Variants in LPP observed in about 807,000 individuals in gnomAD.
LPP encodes the protein lipoma-preferred partner.
Under a neutral mutation model 60.4 loss-of-function variants are expected in LPP, and 38 were observed. That is an observed-to-expected ratio of 0.63 (90% CI 0.49 to 0.83). The LOEUF (loss-of-function observed/expected upper bound fraction) is 0.83. LPP is among the 40% of genes least tolerant of loss of function. The pLI is 0.00. For synonymous variants in LPP, 328 were observed against 290.8 expected, an observed-to-expected ratio of 1.13 and a Z score of -1.30; for missense variants, 902 against 783.6, an observed-to-expected ratio of 1.15 and a Z score of -1.80.
intron 4 of LPP, among the ~76,000 whole-genome samples, chr3:188,474,438 A>G (rs978404920): frequency 5.3e-5 from 8 of 152,204 alleles, no homozygotes; most frequent in African/African-American, 1.7e-4. Flanking sequence ...GGTTCCCTCT[A>G]TAGCCAAAGA....
At chr3:188,334,555 C>T (rs1265556638) in intron 2 of LPP, among the ~76,000 whole-genome samples, 13 of 151,346 alleles carry the variant, frequency 8.6e-5, no homozygotes, top group Non-Finnish European at 1.6e-4. Context: ...CTCAGCCTCC[C>T]GAGTAGCTGG....
chr3:188,688,428 A>G (rs1861342974), intron 7 of LPP, among the ~76,000 whole-genome samples: 2 of 152,226 alleles, frequency 1.3e-5, no homozygotes, highest in South Asian at 2.1e-4. Flanking sequence ...GATGTTATGC[A>G]GATATATCCC....
chr3:188,824,466 CAGA>C (rs1754844865), intron 9 of LPP, among the ~76,000 whole-genome samples: 1 of 152,172 alleles, frequency 6.6e-6, no homozygotes, highest in Non-Finnish European at 1.5e-5. Context: ...TTGGACAGTG[CAGA>C]AGAACTATTC....
chr3:188,234,427 G>A (rs1226922705), intron 2 of LPP, among the ~76,000 whole-genome samples: 1 of 152,176 alleles, frequency 6.6e-6, no homozygotes, highest in Non-Finnish European at 1.5e-5. Context: ...TGATCACTTA[G>A]GAATATCGCC....
chr3:188,385,342 C>T (rs1243905593), intron 3 of LPP, among the ~76,000 whole-genome samples: 7 of 152,000 alleles, frequency 4.6e-5, no homozygotes, highest in African/African-American at 1.5e-4. Flanking sequence ...ATTGAGTAAG[C>T]GTGTGGGGGG....
At chr3:188,402,921 G>T (rs571943031) in intron 3 of LPP, among the ~76,000 whole-genome samples, 5 of 152,304 alleles carry the variant, frequency 3.3e-5, no homozygotes, top group African/African-American at 1.2e-4. Flanking sequence ...TAAAAATATA[G>T]GGCTTGGTAG....
chr3:188,507,955 A>G (rs927251406), intron 5 of LPP, among the ~76,000 whole-genome samples: 4 of 152,200 alleles, frequency 2.6e-5, no homozygotes, highest in Non-Finnish European at 4.4e-5. Flanking sequence ...TTTCCAATCT[A>G]AGGCTATATC....
Position 188,747,751 on chromosome 3 carries a change from A to G in LPP, c.1241-12362A>G, listed in dbSNP as rs549761936. On this transcript the variant is annotated intron_variant, in intron 8 of 11. Transcript: ENST00000617246. ...ATATGTGTATTAATAACTGTTCCCT[A>G]GACGTCACTTCAGCGCTCAGACAGC... Among the ~76,000 whole-genome samples, 82 of 152,298 alleles carry G rather than the reference A, an allele frequency of 5.4e-4. 1 individual carries two copies. Among genetic ancestry groups the G allele is most frequent in the African/African-American group, 1.9e-3 (78 of 41,560 alleles).
chr3:188,597,148 G>A (rs886967103), intron 6 of LPP, among the ~76,000 whole-genome samples: 8 of 152,116 alleles, frequency 5.3e-5, no homozygotes, highest in African/African-American at 1.9e-4. Context: ...TTCTCACTTT[G>A]GGCAAATCTT....
intron 6 of LPP, among the ~76,000 whole-genome samples, chr3:188,530,958 A>G (rs899091286): frequency 1.4e-4 from 22 of 152,194 alleles, no homozygotes; most frequent in Non-Finnish European, 2.9e-5. Context: ...TCAATCATGA[A>G]CTAATGACTT....
chr3:188,402,141 G>A (rs1011225948), intron 3 of LPP, among the ~76,000 whole-genome samples: 2 of 152,008 alleles, frequency 1.3e-5, no homozygotes, highest in Non-Finnish European at 2.9e-5. Context: ...GCTGAATTTG[G>A]ATAACCTTTA....
rs569429568 is a variant in LPP at position 188,481,953 on chromosome 3, C to T, written c.194-2639C>T. The stretch of plus-strand genomic sequence containing the variant: ...TAGCTCTGTGTCCCCACCCAAATTT[C>T]GTCTTGAATTGTAATCCCCATGTGT... On this transcript the variant is annotated intron_variant, in intron 4 of 11. Transcript: ENST00000617246. Among the ~76,000 whole-genome samples the T allele has an allele frequency of 9.2e-5, 14 of 152,268 alleles. No homozygotes were observed. In the South Asian group the frequency reaches 2.5e-3, roughly 27 times the overall value.
intron 6 of LPP, among the ~76,000 whole-genome samples, chr3:188,598,727 C>T (rs1207421498): frequency 6.6e-6 from 1 of 152,128 alleles, no homozygotes; most frequent in African/African-American, 2.4e-5. Context: ...ATTTTCTCAA[C>T]CATCCTCTGA....
intron 7 of LPP, among the ~76,000 whole-genome samples, chr3:188,691,254 C>T (rs192120507): frequency 7.8e-4 from 119 of 152,244 alleles, no homozygotes; most frequent in African/African-American, 2.8e-3. Flanking sequence ...ACTGATAATG[C>T]CACTCTTGTA....
In LPP at chr3:188,770,553, G is replaced by A. The variant is rs146378520; in HGVS notation, c.1410+10271G>A. Among the ~76,000 whole-genome samples the A allele has an allele frequency of 2.7e-3, 417 of 151,876 alleles. 1 individual carries two copies. The highest frequency in any genetic ancestry group is 4.3e-3 in the Non-Finnish European group (290 of 67,958). On this transcript the variant is annotated intron_variant, in intron 9 of 11. Transcript: ENST00000617246. Reference sequence around the variant, plus strand: ...TGTAGCGTGGACTCCATATTAGTACGGTCTCCTAAACTACTCTTCATTCTC... The same window carrying A: ...TGTAGCGTGGACTCCATATTAGTACAGTCTCCTAAACTACTCTTCATTCTC...
chr3:188,381,859 C>T (rs749948116), intron 3 of LPP, among the ~76,000 whole-genome samples: 3 of 152,030 alleles, frequency 2.0e-5, no homozygotes, highest in Admixed American at 6.6e-5. Context: ...GAGTCTTGCT[C>T]TATTGCCCAT....
At chr3:188,503,191 G>T (rs112335218) in intron 5 of LPP, among the ~76,000 whole-genome samples, 2 of 151,936 alleles carry the variant, frequency 1.3e-5, no homozygotes, top group African/African-American at 4.8e-5. Flanking sequence ...ACATCCTAAC[G>T]TTATAACACT....
chr3:188,726,280 G>A, intron 8 of LPP, among the ~76,000 whole-genome samples: 1 of 152,124 alleles, frequency 6.6e-6, no homozygotes, highest in Middle Eastern at 3.2e-3. Flanking sequence ...GGTTTCAAAG[G>A]GGCGTAAGAG....
At chr3:188,457,770 G>T (rs367816311) in intron 4 of LPP, among the ~76,000 whole-genome samples, 60 of 150,498 alleles carry the variant, frequency 4.0e-4, no homozygotes, top group African/African-American at 1.4e-3. Flanking sequence ...TTAGCCAGGC[G>T]TGGTGGCACA....
Sources: allele counts gnomAD v4.1 joint callset (sites outside exome capture counted in the v4.1 genomes callset), GRCh38; gene constraint gnomAD v4.1.1; transcripts MANE v1.5; gene names NCBI Gene and HGNC (gene_info 2026-07-23, HGNC 2026-07-21).